RGS17: variants seen among roughly 807,000 people sequenced by gnomAD.
RGS17 encodes the protein regulator of G protein signaling 17.
In RGS17, 12 loss-of-function variants were observed where a neutral mutation model predicts 25.5. The observed-to-expected ratio is 0.47, with a 90% CI of 0.30 to 0.76. The LOEUF is 0.76. Ranked by LOEUF, RGS17 falls within the 30% of genes least tolerant of loss-of-function variation. The pLI is 0.07. For missense variants in RGS17, 196 were observed against 242.2 expected (o/e 0.81, Z 1.27); for synonymous variants, 71 against 76.9 (o/e 0.92, Z 0.40).
rs145999112 is a variant in RGS17, at chr6:153,027,572, A to C, written c.120-1029T>G. Among the ~76,000 whole-genome samples, 33 of 152,300 alleles carry C rather than the reference A, an allele frequency of 2.2e-4. No homozygotes were observed. The East Asian group carries it at 5.4e-3, about 25-fold the overall frequency. On this transcript the variant is annotated intron_variant, in intron 2 of 4. Coordinates refer to ENST00000206262, the MANE Select transcript of RGS17 (RefSeq NM_012419.5). ...CTTTCACTTACTTACTCAAAATAAGAAGCAATGGAAATGATGATTTTCTAG... is the reference window on the plus strand; with the variant it reads ...CTTTCACTTACTTACTCAAAATAAGCAGCAATGGAAATGATGATTTTCTAG...
At chr6:153,106,656 C>T (rs777819248) in intron 1 of RGS17, among the ~76,000 whole-genome samples, 1 of 151,870 alleles carries the variant, frequency 6.6e-6, no homozygotes, top group East Asian at 2.0e-4. Flanking sequence ...ATTATATATA[C>T]ATAGACATGG....
intron 1 of RGS17, among the ~76,000 whole-genome samples, chr6:153,096,752 T>A (rs543824553): frequency 6.6e-6 from 1 of 152,370 alleles, no homozygotes; most frequent in East Asian, 1.9e-4. Context: ...AATAGGGTCA[T>A]AGAACTGGCT....
intron 1 of RGS17, among the ~76,000 whole-genome samples, chr6:153,094,813 C>CA (rs2129122249): frequency 6.6e-6 from 1 of 152,142 alleles, no homozygotes; most frequent in Admixed American, 6.5e-5. Context: ...GCTTTTATAC[C>CA]TTCTTTCAAA....
At chr6:153,090,438 T>C (rs1584152258) in intron 1 of RGS17, among the ~76,000 whole-genome samples, 1 of 131,798 alleles carries the variant, frequency 7.6e-6, no homozygotes, top group Admixed American at 7.9e-5. Context: ...TAGTGAAACC[T>C]CATCTCTACT....
In RGS17 at chr6:153,005,103, A is replaced by G. The variant is rs1376558484; in HGVS notation, c.*6471T>C. 1 of 152,230 alleles carries G rather than the reference A, an allele frequency of 6.6e-6. No individual in the cohort carries two copies. The highest frequency in any genetic ancestry group is 6.5e-5 in the Admixed American group (1 of 15,280). 9.4% of individuals were successfully genotyped at this position (152,230 alleles called of 1,614,324 possible). On this transcript the variant is annotated 3_prime_UTR_variant, in exon 5 of 5. Coordinates refer to ENST00000206262, the MANE Select transcript of RGS17 (RefSeq NM_012419.5). ...GAAATAGGTCTTTTACATTATTTCA[A>G]TATTCAGTGTTCATTGATTAGTGGA...
At chr6:153,032,987 T>C (rs1174452774) in intron 2 of RGS17, among the ~76,000 whole-genome samples, 5 of 152,192 alleles carry the variant, frequency 3.3e-5, no homozygotes, top group African/African-American at 1.2e-4. Context: ...TAATTTACAA[T>C]ATTTTAAAAG....
At chr6:153,071,576 A>G (rs1776802916) in intron 1 of RGS17, among the ~76,000 whole-genome samples, 1 of 152,182 alleles carries the variant, frequency 6.6e-6, no homozygotes, top group Admixed American at 6.6e-5. Flanking sequence ...ACAAGCCCCA[A>G]TTAGTTTTCA....
chr6:153,102,233 C>T (rs150975540), intron 1 of RGS17, among the ~76,000 whole-genome samples: 2 of 152,322 alleles, frequency 1.3e-5, no homozygotes, highest in Non-Finnish European at 2.9e-5. Flanking sequence ...GACAGAGACA[C>T]ACTTTGTCTC....
At chr6:153,118,323 A>G (rs1777571863) in intron 1 of RGS17, among the ~76,000 whole-genome samples, 1 of 152,222 alleles carries the variant, frequency 6.6e-6, no homozygotes, top group Non-Finnish European at 1.5e-5. Context: ...AAGGCCTTAA[A>G]GAAACAGCAA....
At chr6:153,071,147 T>TACATG (rs1272270320) in intron 1 of RGS17, among the ~76,000 whole-genome samples, 1 of 140,530 alleles carries the variant, frequency 7.1e-6, no homozygotes, top group Non-Finnish European at 1.6e-5. Flanking sequence ...TGTACATATG[T>TACATG]GTATATGTAC....
At chr6:153,113,520 A>T (rs548769509) in intron 1 of RGS17, among the ~76,000 whole-genome samples, 2 of 152,312 alleles carry the variant, frequency 1.3e-5, no homozygotes, top group East Asian at 3.9e-4. Flanking sequence ...AGACAGATCA[A>T]CGAGACAGAA....
At chr6:153,111,629 C>T (rs777103330) in intron 1 of RGS17, among the ~76,000 whole-genome samples, 1 of 152,224 alleles carries the variant, frequency 6.6e-6, no homozygotes, top group South Asian at 2.1e-4. Context: ...GTCCCTGACC[C>T]CCATGCCTCC....
At chr6:153,033,515 C>T (rs1363078555) in intron 2 of RGS17, among the ~76,000 whole-genome samples, 4 of 152,146 alleles carry the variant, frequency 2.6e-5, no homozygotes, top group South Asian at 4.1e-4. Flanking sequence ...CTCAGGAGTT[C>T]GAGACCACCC....
intron 1 of RGS17, among the ~76,000 whole-genome samples, chr6:153,099,010 T>G (rs1324211823): frequency 6.6e-6 from 1 of 151,812 alleles, no homozygotes; most frequent in Non-Finnish European, 1.5e-5. Context: ...GTATCTCTTG[T>G]CCCCCCGTCC....
At chr6:153,117,257 G>C (rs941281807) in intron 1 of RGS17, among the ~76,000 whole-genome samples, 2 of 152,090 alleles carry the variant, frequency 1.3e-5, no homozygotes, top group Admixed American at 6.5e-5. Flanking sequence ...GAATGAGAGT[G>C]AAAGGGGAAG....
rs1332499119 is a variant in RGS17, at chr6:153,011,155, T to C, written c.*419A>G. The C allele has an allele frequency of 1.3e-5, 2 of 156,948 alleles. No homozygotes were observed. The highest frequency in any genetic ancestry group is 6.5e-5 in the Admixed American group (1 of 15,422). The allele number at this position is 156,948 out of a possible 1,614,324, so 9.7% of individuals were successfully genotyped here. A position where few individuals can be genotyped will look rare whatever the true frequency, so the allele number is the denominator to read the frequency against. On this transcript the variant is annotated 3_prime_UTR_variant, in exon 5 of 5. Transcript: ENST00000206262. ...AAAATGCAAACCATGGCCGATTTTTTTGGCAATTATTTCTTAAGACCATAT... is the reference window on the plus strand; with the variant it reads ...AAAATGCAAACCATGGCCGATTTTTCTGGCAATTATTTCTTAAGACCATAT...
intron 1 of RGS17, among the ~76,000 whole-genome samples, chr6:153,123,777 T>C (rs1777670069): frequency 6.6e-6 from 1 of 152,160 alleles, no homozygotes; most frequent in Non-Finnish European, 1.5e-5. Flanking sequence ...GGGATCTCAC[T>C]CTCCTTCCCT....
chr6:153,076,223 G>T (rs1776876368), intron 1 of RGS17, among the ~76,000 whole-genome samples: 1 of 151,996 alleles, frequency 6.6e-6, no homozygotes, highest in African/African-American at 2.4e-5. Flanking sequence ...GTAGGATTCT[G>T]TTGGTAGTGA....
At chr6:153,044,663 C>T (rs139834080) in intron 1 of RGS17, among the ~76,000 whole-genome samples, 2 of 152,328 alleles carry the variant, frequency 1.3e-5, no homozygotes, top group East Asian at 3.9e-4. Flanking sequence ...AGCTTCTCTT[C>T]TTCCATCCCC....
Sources: gnomAD v4.1 joint callset for allele counts (sites outside exome capture counted in the v4.1 genomes callset) on GRCh38, gnomAD v4.1.1 for gene constraint, MANE v1.5 for transcripts, NCBI Gene and HGNC (gene_info 2026-07-23, HGNC 2026-07-21) for gene names.